FAM83F: variants seen among roughly 807,000 people sequenced by gnomAD.
FAM83F encodes the protein scaffolding CK1 anchoring protein F.
A neutral mutation model predicts 42.9 loss-of-function variants in FAM83F; 45 were observed. The ratio of observed to expected loss-of-function variants is 1.05; its 90% CI spans 0.83 to 1.35. FAM83F has a LOEUF of 1.35. FAM83F is among the 40% of genes most tolerant of loss of function. FAM83F has a pLI of 0.00. For synonymous variants in FAM83F, 306 were observed against 298.3 expected (o/e 1.03, Z -0.27); for missense variants, 617 against 695.9 (o/e 0.89, Z 1.28).
In FAM83F at chr22:40,029,789, A is replaced by C. The variant is rs1412857666; in HGVS notation, c.*224A>C. 1.7e-6 allele frequency: 1 copy of C among 577,508 alleles called. No homozygotes were observed. Among genetic ancestry groups the C allele is most frequent in the East Asian group, 3.2e-5 (1 of 31,308 alleles). The allele number at this position is 577,508 out of a possible 1,614,324, so 35.8% of individuals were successfully genotyped here. A position where few individuals can be genotyped will look rare whatever the true frequency, so the allele number is the denominator to read the frequency against. ...GACTGTCGGTGGCTGGGCAGGGGTC[A>C]GTGCCACGGCCTCCTTGTTTACATG... On this transcript the variant is annotated 3_prime_UTR_variant, in exon 5 of 5. Transcript: ENST00000333407.
chr22:40,022,483 T>C (rs2067528698), intron 4 of FAM83F, among the ~76,000 whole-genome samples: 1 of 152,140 alleles, frequency 6.6e-6, no homozygotes, highest in Non-Finnish European at 1.5e-5. Flanking sequence ...CCCTCCCCTG[T>C]ACCCTACTGG....
intron 1 of FAM83F, among the ~76,000 whole-genome samples, chr22:40,013,474 C>A (rs1300154650): frequency 6.6e-6 from 1 of 152,134 alleles, no homozygotes; most frequent in Non-Finnish European, 1.5e-5. Flanking sequence ...TTAGGTCTCA[C>A]CATTCTGTTC....
chr22:40,028,718 G>A (rs933861205), intron 4 of FAM83F, among the ~76,000 whole-genome samples: 5 of 152,190 alleles, frequency 3.3e-5, no homozygotes, highest in African/African-American at 4.8e-5. Context: ...GGCCGGGGGC[G>A]GGGGACAGCT....
Position 40,023,119 on chromosome 22 carries a change from T to C in FAM83F, c.1453+1156T>C, listed in dbSNP as rs11089969. ...TGGAGACGTTGACTGAGCTGCTGGC[T>C]TGCCAGGTCCTGCACAGGCACTCTC... is the stretch of plus-strand genomic sequence containing the variant. On this transcript the variant is annotated intron_variant, in intron 4 of 4. Transcript: ENST00000333407. This position sits in a 1 kb window ranked among gnomAD's most constrained non-coding sequence, Gnocchi z 4.1. 0.25 allele frequency among the ~76,000 whole-genome samples: 37,486 copies of C among 152,156 alleles called. 4,988 individuals carry two copies. Among genetic ancestry groups the C allele is most frequent in the Non-Finnish European group, 0.31 (20,848 of 67,980 alleles).
chr22:40,002,509 G>A (rs970698393), intron 1 of FAM83F, among the ~76,000 whole-genome samples: 2 of 152,168 alleles, frequency 1.3e-5, no homozygotes, highest in Non-Finnish European at 2.9e-5. Flanking sequence ...GAAGGTTCAC[G>A]GTAGCAAAGC....
Position 40,030,661 on chromosome 22 carries a change from CT to C in FAM83F, c.*1097del, listed in dbSNP as rs1569237787. The C allele has an allele frequency of 1.3e-5, 2 of 152,258 alleles. No homozygotes were observed. Among genetic ancestry groups the C allele is most frequent in the Non-Finnish European group, 2.9e-5 (2 of 68,124 alleles). 9.4% of individuals were successfully genotyped at this position (152,258 alleles called of 1,614,324 possible). On this transcript the variant is annotated 3_prime_UTR_variant, in exon 5 of 5. Coordinates refer to ENST00000333407, the MANE Select transcript of FAM83F (RefSeq NM_138435.4). ...GGGAGGCCCAGTAAGCAATTCCATT[CT>C]GCCTTCCCCACTTGGGTGACTGGAG... is the stretch of plus-strand genomic sequence containing the variant.
rs2145704315 is a variant in FAM83F at position 39,995,467 on chromosome 22, C to T, written c.425C>T (p.Pro142Leu). 6.4e-7 allele frequency: 1 copy of T among 1,574,308 alleles called. No homozygotes were observed. The highest frequency in any genetic ancestry group is 1.2e-5 in the South Asian group (1 of 86,034). ...CGGGTCACGCTCTTCACCCACCCGCCCAAGGACGAGAAGGCGCCGCACCTC... is the reference window on the plus strand; with the variant it reads ...CGGGTCACGCTCTTCACCCACCCGCTCAAGGACGAGAAGGCGCCGCACCTC... ...VSRVTLFTHP[P>L]KDEKAPHLKQ... The change falls in exon 1 of 5, where the codon CCC becomes CTC. Residue 142 changes from proline to leucine, a missense_variant. Pro to Leu is a moderately conservative substitution (Grantham distance 98, BLOSUM62 -3). Transcript: ENST00000333407. This position sits in a 1 kb window ranked among gnomAD's most constrained non-coding sequence, Gnocchi z 4.6.
chr22:40,022,023 G>A (rs965358820), intron 4 of FAM83F, 60 bp downstream of exon 4: 17 of 1,415,562 alleles, frequency 1.2e-5, no homozygotes, highest in African/African-American at 5.7e-5. Flanking sequence ...GCCCCGCATC[G>A]GCTCTTATCC....
intron 4 of FAM83F, among the ~76,000 whole-genome samples, chr22:40,024,175 ATTGT>A (rs2067537650): frequency 6.6e-6 from 1 of 151,952 alleles, no homozygotes; most frequent in African/African-American, 2.4e-5. Context: ...AATTTTTTAA[ATTGT>A]TTGTATAGAC....
intron 4 of FAM83F, among the ~76,000 whole-genome samples, chr22:40,026,650 C>G (rs1422731435): frequency 6.6e-6 from 1 of 152,220 alleles, no homozygotes; most frequent in Non-Finnish European, 1.5e-5. Context: ...CCCAGAGTGC[C>G]TCGGGGTCCT....
rs1256087406 is a variant in FAM83F at position 40,035,320 on chromosome 22, T to A, written c.*5755T>A. 1 of 152,194 alleles carries A rather than the reference T, an allele frequency of 6.6e-6. No homozygotes were observed. The highest frequency in any genetic ancestry group is 1.5e-5 in the Non-Finnish European group (1 of 68,088). 9.4% of individuals were successfully genotyped at this position (152,194 alleles called of 1,614,324 possible). On this transcript the variant is annotated 3_prime_UTR_variant, in exon 5 of 5. Coordinates refer to ENST00000333407, the MANE Select transcript of FAM83F (RefSeq NM_138435.4). ...AGGAGCAAAAGGCAAGAACAGGCAGTATGTCCGCGGTGCCCACAGTGCTGT... is the reference window on the plus strand; with the variant it reads ...AGGAGCAAAAGGCAAGAACAGGCAGAATGTCCGCGGTGCCCACAGTGCTGT...
intron 4 of FAM83F, among the ~76,000 whole-genome samples, chr22:40,028,957 G>A (rs1250545183): frequency 6.6e-6 from 1 of 152,190 alleles, no homozygotes; most frequent in Non-Finnish European, 1.5e-5. Flanking sequence ...TCTGGGAGCT[G>A]TGGGCACCTC....
In FAM83F at chr22:40,021,983, G is replaced by T; in HGVS notation, c.1453+20G>T. 2 of 1,521,106 alleles carry T rather than the reference G, an allele frequency of 1.3e-6. No individual in the cohort carries two copies. The highest frequency in any genetic ancestry group is 2.0e-4 in the Middle Eastern group (1 of 5,042). The allele number at this position is 1,521,106 out of a possible 1,614,324, so 94.2% of individuals were successfully genotyped here. A position where few individuals can be genotyped will look rare whatever the true frequency, so the allele number is the denominator to read the frequency against. On this transcript the variant is annotated intron_variant, in intron 4 of 4. Transcript: ENST00000333407. The surrounding 1 kb of genome is among the most constrained non-coding windows in gnomAD (Gnocchi z 8.7). ...TCTCAGGTGAGCCCTCTTCCCTCTG[G>T]CCTGGTGCCTCCCCAGGCCTCTGGC...
At chr22:40,019,061 A>T in intron 1 of FAM83F, 107 bp from the exon 2 acceptor site, 2 of 1,344,782 alleles carry the variant, frequency 1.5e-6, no homozygotes. Flanking sequence ...GGAGTTTTTG[A>T]CTCTTGGCCA....
chr22:40,025,730 A>AT (rs2145722734), intron 4 of FAM83F, among the ~76,000 whole-genome samples: 1 of 152,320 alleles, frequency 6.6e-6, no homozygotes, highest in East Asian at 1.9e-4. Context: ...ATTTTTAAAG[A>AT]TAAAAATAAA....
intron 1 of FAM83F, among the ~76,000 whole-genome samples, chr22:40,004,000 A>G (rs2067415076): frequency 6.6e-6 from 1 of 152,126 alleles, no homozygotes; most frequent in Non-Finnish European, 1.5e-5. Flanking sequence ...AGGACAGACT[A>G]TGAGTTTCCC....
Position 40,038,114 on chromosome 22 carries a change from C to T in FAM83F, c.*8549C>T, listed in dbSNP as rs1011561992. 1 of 152,262 alleles carries T rather than the reference C, an allele frequency of 6.6e-6. No homozygotes were observed. The highest frequency in any genetic ancestry group is 2.4e-5 in the African/African-American group (1 of 41,462). The allele number at this position is 152,262 out of a possible 1,614,324, so 9.4% of individuals were successfully genotyped here. A position where few individuals can be genotyped will look rare whatever the true frequency, so the allele number is the denominator to read the frequency against. ...TTCCAGGCACTGTGATAAGATAGAC[C>T]TGGCCTTTACCTTCAAATGTTCAGA... On this transcript the variant is annotated 3_prime_UTR_variant, in exon 5 of 5. Coordinates refer to ENST00000333407, the MANE Select transcript of FAM83F (RefSeq NM_138435.4).
chr22:40,006,936 C>T (rs2067432664), intron 1 of FAM83F, among the ~76,000 whole-genome samples: 1 of 152,210 alleles, frequency 6.6e-6, no homozygotes, highest in Admixed American at 6.5e-5. Context: ...GCTCAGCCAG[C>T]TGGGGCAGGC....
intron 2 of FAM83F, 140 bp from the exon 3 acceptor site, chr22:40,019,747 G>T: frequency 8.1e-7 from 1 of 1,231,970 alleles, no homozygotes; most frequent in Non-Finnish European, 1.1e-6. Flanking sequence ...ATGGAAGGCT[G>T]TAGGAAGCAG....
Sources: allele counts gnomAD v4.1 joint callset (sites outside exome capture counted in the v4.1 genomes callset), GRCh38; gene constraint gnomAD v4.1.1; non-coding constraint Gnocchi (gnomAD v3.1); transcripts MANE v1.5; gene names NCBI Gene and HGNC (gene_info 2026-07-23, HGNC 2026-07-21).